The following BBS9 variants were observed in gnomAD, a reference collection of about 807,000 sequenced individuals.
The protein encoded by BBS9 is protein PTHB1.
In BBS9, 89 loss-of-function variants were observed where a neutral mutation model predicts 117.7. That is an observed-to-expected ratio of 0.76 (90% confidence interval 0.64 to 0.90). The LOEUF is 0.90. Among genes scored for constraint, BBS9 ranks in the 40% least tolerant of loss-of-function variants. The probability of loss-of-function intolerance (pLI) is 0.00; values close to 1 mark genes in which losing one functional copy is unlikely to be tolerated. For synonymous variants in BBS9, 379 were observed against 370.9 expected (o/e 1.02, Z -0.25); for missense variants, 982 against 1,042.2 (o/e 0.94, Z 0.80).
intron 21 of BBS9, among the ~76,000 whole-genome samples, chr7:33,597,440 TC>T (rs1863033600): frequency 7.0e-6 from 1 of 143,308 alleles, no homozygotes; most frequent in South Asian, 2.2e-4. Context: ...CTTGCCTGAT[TC>T]CTCTTAAATA....
intron 4 of BBS9, among the ~76,000 whole-genome samples, chr7:33,168,330 AT>A (rs535685072): frequency 2.6e-4 from 40 of 151,740 alleles, no homozygotes; most frequent in Non-Finnish European, 3.4e-4. Context: ...AATTACAAGA[AT>A]TTTTTTTTGA....
intron 15 of BBS9, among the ~76,000 whole-genome samples, chr7:33,356,692 G>T (rs1313123192): frequency 6.6e-6 from 1 of 151,812 alleles, no homozygotes; most frequent in Non-Finnish European, 1.5e-5. Context: ...ACTGGAAAGT[G>T]TACTCCCAGC....
intron 16 of BBS9, among the ~76,000 whole-genome samples, chr7:33,359,621 T>A (rs1310225424): frequency 6.6e-6 from 1 of 152,106 alleles, no homozygotes; most frequent in Non-Finnish European, 1.5e-5. Flanking sequence ...CTGGATGGAA[T>A]CATGTGCTTG....
intron 19 of BBS9, among the ~76,000 whole-genome samples, chr7:33,427,522 A>G (rs1370210314): frequency 6.6e-6 from 1 of 152,190 alleles, no homozygotes; most frequent in South Asian, 2.1e-4. Flanking sequence ...CTAGATATCA[A>G]TTATGTTTTG....
chr7:33,150,330 C>T (rs922354814), intron 2 of BBS9, among the ~76,000 whole-genome samples: 6 of 152,198 alleles, frequency 3.9e-5, no homozygotes, highest in South Asian at 4.2e-4. Flanking sequence ...AAGCTATCTT[C>T]GATAAAGCTA....
At chr7:33,604,252 C>T (rs1223524376) in intron 21 of BBS9, among the ~76,000 whole-genome samples, 1 of 152,176 alleles carries the variant, frequency 6.6e-6, no homozygotes, top group Non-Finnish European at 1.5e-5. Flanking sequence ...ATACCCAGTA[C>T]TTCAAAAGCA....
At chr7:33,263,465 T>G (rs1280985901) in intron 6 of BBS9, among the ~76,000 whole-genome samples, 2 of 152,148 alleles carry the variant, frequency 1.3e-5, no homozygotes, top group African/African-American at 2.4e-5. Context: ...CATTAATTAA[T>G]GAGAAATATA....
intron 5 of BBS9, among the ~76,000 whole-genome samples, chr7:33,239,537 G>A (rs951289128): frequency 6.6e-6 from 1 of 152,052 alleles, no homozygotes; most frequent in Non-Finnish European, 1.5e-5. Flanking sequence ...AGTCTCCCAA[G>A]TAGCTGGGAT....
chr7:33,493,437 T>C (rs1844294199), intron 19 of BBS9, among the ~76,000 whole-genome samples: 1 of 152,202 alleles, frequency 6.6e-6, no homozygotes, highest in Admixed American at 6.5e-5. Context: ...TAAGTAATGA[T>C]AGCCATCAAA....
chr7:33,305,354 C>A (rs1430885133), intron 9 of BBS9, among the ~76,000 whole-genome samples: 1 of 151,812 alleles, frequency 6.6e-6, no homozygotes, highest in African/African-American at 2.4e-5. Context: ...GGGATACTAG[C>A]CTTTAGTTTT....
At chr7:33,613,662 A>G (rs957971308) in intron 21 of BBS9, among the ~76,000 whole-genome samples, 1 of 152,048 alleles carries the variant, frequency 6.6e-6, no homozygotes. Context: ...CAACCTCACT[A>G]TGTTTGCAAC....
chr7:33,189,545 A>G (rs1321996388), intron 5 of BBS9, among the ~76,000 whole-genome samples: 1 of 152,108 alleles, frequency 6.6e-6, no homozygotes, highest in Non-Finnish European at 1.5e-5. Flanking sequence ...ATTAGAAATT[A>G]TCACTATTAC....
chr7:33,317,383 A>C (rs1171575296), intron 9 of BBS9, among the ~76,000 whole-genome samples: 1 of 147,774 alleles, frequency 6.8e-6, no homozygotes, highest in East Asian at 2.0e-4. Context: ...CTTGTTACTT[A>C]AAAAAAAAAG....
intron 5 of BBS9, among the ~76,000 whole-genome samples, chr7:33,235,129 T>C (rs1204579502): frequency 6.6e-6 from 1 of 152,184 alleles, no homozygotes; most frequent in African/African-American, 2.4e-5. Flanking sequence ...AGAATATGTT[T>C]AATGATTTTT....
chr7:33,278,719 A>G (rs893949871), intron 9 of BBS9, among the ~76,000 whole-genome samples: 1 of 152,162 alleles, frequency 6.6e-6, no homozygotes, highest in Non-Finnish European at 1.5e-5. Context: ...ACCAGCAGGT[A>G]CAGTGCCAAA....
chr7:33,574,885 T>G (rs1252716437), intron 21 of BBS9, among the ~76,000 whole-genome samples: 1 of 152,128 alleles, frequency 6.6e-6, no homozygotes, highest in Non-Finnish European at 1.5e-5. Flanking sequence ...GTTAATTGAT[T>G]GCTATTTTTA....
At chr7:33,588,195 G>T (rs1052465351) in intron 21 of BBS9, among the ~76,000 whole-genome samples, 1 of 152,032 alleles carries the variant, frequency 6.6e-6, no homozygotes, top group Non-Finnish European at 1.5e-5. Flanking sequence ...AATTCTCCAT[G>T]TGTTTTTATC....
intron 9 of BBS9, among the ~76,000 whole-genome samples, chr7:33,298,959 G>C (rs771701672): frequency 3.9e-5 from 6 of 152,130 alleles, no homozygotes; most frequent in Admixed American, 6.5e-5. Context: ...TTTAGTTCAT[G>C]GTTAAAACAG....
intron 21 of BBS9, among the ~76,000 whole-genome samples, chr7:33,550,345 C>T (rs1854196192): frequency 6.6e-6 from 1 of 152,112 alleles, no homozygotes; most frequent in Admixed American, 6.6e-5. Flanking sequence ...TTACAAGCAA[C>T]TCATCCAATC....
Sources: gnomAD v4.1 joint callset for allele counts (sites outside exome capture counted in the v4.1 genomes callset) on GRCh38, gnomAD v4.1.1 for gene constraint, MANE v1.5 for transcripts, NCBI Gene and HGNC (gene_info 2026-07-23, HGNC 2026-07-21) for gene names.